The following RPH3AL variants were observed in gnomAD, a reference collection of about 807,000 sequenced individuals.
RPH3AL encodes rabphilin 3A like (without C2 domains).
Under a neutral mutation model 43.1 loss-of-function variants are expected in RPH3AL, and 38 were observed. That is an observed-to-expected ratio of 0.88 (90% CI 0.68 to 1.15). The LOEUF is 1.15. RPH3AL is among the 50% of genes most tolerant of loss of function. The pLI is 0.00. For missense variants in RPH3AL, 462 were observed against 423.2 expected, an observed-to-expected ratio of 1.09 and a Z score of -0.81; for synonymous variants, 189 against 176.3, an observed-to-expected ratio of 1.07 and a Z score of -0.57.
chr17:315,150 C>G (rs1240932804), intron 5 of RPH3AL, among the ~76,000 whole-genome samples: 9 of 149,662 alleles, frequency 6.0e-5, no homozygotes, highest in African/African-American at 1.7e-4. Flanking sequence ...CTCCATTGAC[C>G]TGTAGTCCCT....
chr17:285,036 C>T (rs375771097), intron 5 of RPH3AL, among the ~76,000 whole-genome samples: 4 of 152,206 alleles, frequency 2.6e-5, no homozygotes, highest in Admixed American at 1.3e-4. Context: ...ATCACATCTG[C>T]GTGACGGCTT....
rs905670318 is a variant in RPH3AL at position 290,191 on chromosome 17, A to C, written c.352-8337T>G. 3.9e-5 allele frequency among the ~76,000 whole-genome samples: 6 copies of C among 152,262 alleles called. No individual in the cohort carries two copies. Among genetic ancestry groups the C allele is most frequent in the African/African-American group, 2.4e-5 (1 of 41,474 alleles). ...GGCGTGAAGGCACTCGCTCAGCGACACGAGGCAGGGTCCAATCACGTCCAC... is the reference window on the plus strand; with the variant it reads ...GGCGTGAAGGCACTCGCTCAGCGACCCGAGGCAGGGTCCAATCACGTCCAC... On this transcript the variant is annotated intron_variant, in intron 5 of 9. Coordinates refer to ENST00000331302, the MANE Select transcript of RPH3AL (RefSeq NM_006987.4). The surrounding 1 kb of genome is among the most constrained non-coding windows in gnomAD (Gnocchi z 4.2).
chr17:240,707 T>C lies in RPH3AL; in HGVS notation c.613+6404A>G, dbSNP rs571073378. ...ATTCATCAGCTGATGGACGTATGAG[T>C]TGTTGCCACTTTTTGGTTATAATAC... On this transcript the variant is annotated intron_variant, in intron 7 of 9. Transcript: ENST00000331302. Among the ~76,000 whole-genome samples, 6 of 152,284 alleles carry C rather than the reference T, an allele frequency of 3.9e-5. 1 individual carries two copies. The South Asian group carries it at 1.2e-3, about 32-fold the overall frequency.
Position 278,982 on chromosome 17 carries a change from G to A in RPH3AL, c.438+2786C>T, listed in dbSNP as rs748913257. Among the ~76,000 whole-genome samples, 118 of 152,256 alleles carry A rather than the reference G, an allele frequency of 7.8e-4. 1 individual carries two copies. Among genetic ancestry groups the A allele is most frequent in the Non-Finnish European group, 1.6e-3 (110 of 68,028 alleles). Reference sequence around the variant, plus strand: ...GCCAGAGATGATGGAAGTGAAGCACGAAAGGAAAGGAAGATAAGAGGCCTT... The same window carrying A: ...GCCAGAGATGATGGAAGTGAAGCACAAAAGGAAAGGAAGATAAGAGGCCTT... On this transcript the variant is annotated intron_variant, in intron 6 of 9. Transcript: ENST00000331302.
In RPH3AL at chr17:232,012, G is replaced by A. The variant is rs114681519; in HGVS notation, c.614-12276C>T. Among the ~76,000 whole-genome samples, 1,184 of 152,342 alleles carry A rather than the reference G, an allele frequency of 7.8e-3. 18 individuals carry two copies. The highest frequency in any genetic ancestry group is 0.026 in the African/African-American group (1,096 of 41,586). Reference sequence around the variant, plus strand: ...TGCTCAGGACATCTGTTCTGGGGGCGGCCCCTCCATTCATGCCCCTCATCA... The same window carrying A: ...TGCTCAGGACATCTGTTCTGGGGGCAGCCCCTCCATTCATGCCCCTCATCA... On this transcript the variant is annotated intron_variant, in intron 7 of 9. Coordinates refer to ENST00000331302, the MANE Select transcript of RPH3AL (RefSeq NM_006987.4).
chr17:272,977 GCAAGGGC>G (rs2042525694), intron 6 of RPH3AL, among the ~76,000 whole-genome samples: 8 of 103,098 alleles, frequency 7.8e-5, no homozygotes, highest in Admixed American at 3.0e-4. Context: ...TGAGACCCCA[GCAAGGGC>G]TACGTCAGGG....
rs771208360 is a variant in RPH3AL at position 323,213 on chromosome 17, T to C, written c.78-1798A>G. On this transcript the variant is annotated intron_variant, in intron 3 of 9. Coordinates refer to ENST00000331302, the MANE Select transcript of RPH3AL (RefSeq NM_006987.4). This position sits in a 1 kb window ranked among gnomAD's most constrained non-coding sequence, Gnocchi z 4.4. ...CGAAAGGCAGGGGGCATGGGTGGTG[T>C]GTGGTGTTTCAGGGATCCATACTTC... is the stretch of plus-strand genomic sequence containing the variant. Among the ~76,000 whole-genome samples, 4 of 151,274 alleles carry C rather than the reference T, an allele frequency of 2.6e-5. No homozygotes were observed. Among genetic ancestry groups the C allele is most frequent in the Non-Finnish European group, 4.4e-5 (3 of 67,806 alleles).
chr17:331,294 G>GATGAAGGGAGATGAAAGGAT, intron 2 of RPH3AL: 1 of 281,584 alleles, frequency 3.6e-6, no homozygotes, highest in Non-Finnish European at 7.0e-6. Context: ...GACGGAAAGA[G>GATGAAGGGAGATGAAAGGAT]CCAAATGCTG....
At position 272,319 on chromosome 17, in the gene RPH3AL, A is replaced by G. The variant is rs545743641; in HGVS notation, c.438+9449T>C. 3.1e-3 allele frequency among the ~76,000 whole-genome samples: 477 copies of G among 152,164 alleles called. 3 individuals carry two copies. The highest frequency in any genetic ancestry group is 4.7e-3 in the Non-Finnish European group (317 of 67,998). On this transcript the variant is annotated intron_variant, in intron 6 of 9. Coordinates refer to ENST00000331302, the MANE Select transcript of RPH3AL (RefSeq NM_006987.4). ...ACACATGCACACGTATGTTTATTGC[A>G]GCACTATTCACAATAGCAAAGACTT...
intron 6 of RPH3AL, among the ~76,000 whole-genome samples, chr17:262,753 A>G (rs542251202): frequency 4.6e-5 from 7 of 152,278 alleles, no homozygotes; most frequent in Non-Finnish European, 7.4e-5. Flanking sequence ...TCTAACGCCC[A>G]CACACCAAGC....
intron 7 of RPH3AL, among the ~76,000 whole-genome samples, chr17:227,128 C>T (rs1402479783): frequency 6.6e-6 from 1 of 152,146 alleles, no homozygotes; most frequent in Admixed American, 6.5e-5. Context: ...TTGCTGGGGA[C>T]CTGGCATCCC....
At chr17:342,631 A>G (rs2045148186) in intron 1 of RPH3AL, among the ~76,000 whole-genome samples, 1 of 152,252 alleles carries the variant, frequency 6.6e-6, no homozygotes, top group African/African-American at 2.4e-5. Flanking sequence ...ATTTATGTAA[A>G]ATGTTCAGAA....
chr17:236,794 A>G (rs2151523445), intron 7 of RPH3AL, among the ~76,000 whole-genome samples: 1 of 152,380 alleles, frequency 6.6e-6, no homozygotes, highest in Non-Finnish European at 1.5e-5. Context: ...AACAGTCGGA[A>G]AAGAAAAAGC....
rs114505220 is a variant in RPH3AL, at chr17:250,581, A to T, written c.439-3296T>A. The stretch of plus-strand genomic sequence containing the variant: ...CTTCTCAGAGTCTTTACTAAGCTCT[A>T]TCACTGCGGGACCTCTCAGGGCCTT... On this transcript the variant is annotated intron_variant, in intron 6 of 9. Coordinates refer to ENST00000331302, the MANE Select transcript of RPH3AL (RefSeq NM_006987.4). Among the ~76,000 whole-genome samples the T allele has an allele frequency of 5.3e-4, 35 of 65,756 alleles. No individual in the cohort carries two copies. In the East Asian group the frequency reaches 9.3e-3, roughly 17 times the overall value. The allele number at this position is 65,756 out of a possible 152,430, so 43.1% of individuals were successfully genotyped here.
At chr17:270,949 T>C (rs2042448586) in intron 6 of RPH3AL, among the ~76,000 whole-genome samples, 1 of 152,232 alleles carries the variant, frequency 6.6e-6, no homozygotes, top group South Asian at 2.1e-4. Flanking sequence ...AATTAATTTT[T>C]GTATAAGGTG....
At position 262,727 on chromosome 17, in the gene RPH3AL, C is replaced by T. The variant is rs192004273; in HGVS notation, c.439-15442G>A. 2.2e-4 allele frequency among the ~76,000 whole-genome samples: 33 copies of T among 152,232 alleles called. No individual in the cohort carries two copies. In the South Asian group the frequency reaches 2.5e-3, roughly 11 times the overall value. On this transcript the variant is annotated intron_variant, in intron 6 of 9. Transcript: ENST00000331302. ...TCAAACGAATCCTAAGCCCATGCCCCGAGCCATCTCCTTTATCTAACGCCC... is the reference window on the plus strand; with the variant it reads ...TCAAACGAATCCTAAGCCCATGCCCTGAGCCATCTCCTTTATCTAACGCCC...
intron 6 of RPH3AL, among the ~76,000 whole-genome samples, chr17:262,578 C>G (rs1463473175): frequency 2.0e-5 from 3 of 152,212 alleles, no homozygotes; most frequent in East Asian, 1.9e-4. Flanking sequence ...TAATCCCAAC[C>G]CTTTGGGAGG....
chr17:341,927 G>A (rs967223057), intron 1 of RPH3AL, among the ~76,000 whole-genome samples: 9 of 152,154 alleles, frequency 5.9e-5, no homozygotes, highest in Non-Finnish European at 8.8e-5. Context: ...TGAAAAGACA[G>A]CCCATAGAAT....
intron 1 of RPH3AL, among the ~76,000 whole-genome samples, chr17:342,230 G>A (rs2045138807): frequency 6.6e-6 from 1 of 152,224 alleles, no homozygotes; most frequent in African/African-American, 2.4e-5. Flanking sequence ...GTGAGGATGT[G>A]GAGAAACTGG....
Sources: gnomAD v4.1 joint callset for allele counts (sites outside exome capture counted in the v4.1 genomes callset) on GRCh38, gnomAD v4.1.1 for gene constraint, Gnocchi (gnomAD v3.1) non-coding constraint, MANE v1.5 for transcripts, NCBI Gene and HGNC (gene_info 2026-07-23, HGNC 2026-07-21) for gene names.